Variants in ENTPD5 observed in about 807,000 individuals in gnomAD.
ENTPD5 encodes ectonucleoside triphosphate diphosphohydrolase 5 (inactive).
A neutral mutation model predicts 60.2 loss-of-function variants in ENTPD5; 49 were observed. The observed-to-expected ratio is 0.81, with a 90% CI of 0.65 to 1.03. ENTPD5 has a LOEUF of 1.03. Among genes scored for constraint, ENTPD5 ranks in the 50% least tolerant of loss-of-function variants. The pLI, the probability that ENTPD5 is intolerant of heterozygous loss-of-function variation, is 0.00. For synonymous variants in ENTPD5, 187 were observed against 185.4 expected (o/e 1.01, Z -0.07); for missense variants, 480 against 507.6 (o/e 0.95, Z 0.52).
downstream of ENTPD5, chr14:73,959,132 A>G (rs574401933): frequency 1.3e-4 from 205 of 1,614,196 alleles, 1 homozygote; most frequent in South Asian, 2.2e-3. Flanking sequence ...TAGGTACTTC[A>G]CAGAGAAACT....
At chr14:73,973,160 C>A (rs772931877) in intron 12 of ENTPD5, 136 bp from the exon 13 acceptor site, 3 of 1,024,242 alleles carry the variant, frequency 2.9e-6, no homozygotes, top group Non-Finnish European at 4.3e-6. Context: ...AGGCTTGGGA[C>A]AAGAGGCGTC....
chr14:73,991,127 T>A (rs926161838), intron 3 of ENTPD5, among the ~76,000 whole-genome samples: 3 of 152,194 alleles, frequency 2.0e-5, no homozygotes, highest in Non-Finnish European at 2.9e-5. Flanking sequence ...TTCCCCCTCT[T>A]TTTTTCTGGA....
chr14:74,015,920 A>G lies in ENTPD5; in HGVS notation c.-227T>C, dbSNP rs2059003008. 6.6e-6 allele frequency: 1 copy of G among 152,218 alleles called. No homozygotes were observed. The highest frequency in any genetic ancestry group is 2.4e-5 in the African/African-American group (1 of 41,460). The allele number at this position is 152,218 out of a possible 1,614,324, so 9.4% of individuals were successfully genotyped here. ...ACTCCACATTTCTTTGTTGACCAGG[A>G]ACAAGGAAAACTGGACAGAAAAAGA... On this transcript the variant is annotated 5_prime_UTR_variant, in exon 2 of 16. Transcript: ENST00000334696.
intron 3 of ENTPD5, among the ~76,000 whole-genome samples, chr14:73,989,832 CA>C (rs57558687): frequency 0.1 from 5,209 of 52,048 alleles, 120 homozygotes; most frequent in South Asian, 0.3. Flanking sequence ...GACTCAGTCT[CA>C]AAAAAAAAAA....
At chr14:73,968,423 CTCT>C (rs2057077314) in intron 15 of ENTPD5, among the ~76,000 whole-genome samples, 2 of 91,856 alleles carry the variant, frequency 2.2e-5, no homozygotes, top group Admixed American at 1.4e-4. Context: ...ATTACTGATA[CTCT>C]TTTTTTTTTT....
intron 3 of ENTPD5, chr14:73,996,299 CT>C: frequency 1.9e-6 from 1 of 518,464 alleles, no homozygotes; most frequent in Non-Finnish European, 2.5e-6. Flanking sequence ...CCCTTACTCT[CT>C]TTTTCTCTGA....
At chr14:73,982,350 C>G (rs2057726232) in intron 6 of ENTPD5, among the ~76,000 whole-genome samples, 1 of 152,170 alleles carries the variant, frequency 6.6e-6, no homozygotes, top group Non-Finnish European at 1.5e-5. Context: ...GCTGGGATTA[C>G]AGGTGTGAGC....
chr14:73,959,051 T>C (rs895506122), downstream of ENTPD5: 7 of 1,614,110 alleles, frequency 4.3e-6, no homozygotes, highest in African/African-American at 9.3e-5. Context: ...ACCAGTCTGC[T>C]GTTGTGGCTA....
At chr14:73,975,572 T>C (rs973139976) in intron 10 of ENTPD5, among the ~76,000 whole-genome samples, 1 of 152,074 alleles carries the variant, frequency 6.6e-6, no homozygotes, top group Non-Finnish European at 1.5e-5. Context: ...ATCCAGCTAA[T>C]TTTTGTATTT....
At chr14:73,961,386 A>T (rs761426479), downstream of ENTPD5, 2 of 1,614,126 alleles carry the variant, frequency 1.2e-6, no homozygotes, top group Admixed American at 3.3e-5. Flanking sequence ...GTAAGACGAT[A>T]ACAGAGCAGG....
intron 6 of ENTPD5, among the ~76,000 whole-genome samples, chr14:73,979,028 G>A (rs996586232): frequency 3.3e-5 from 5 of 151,916 alleles, no homozygotes; most frequent in African/African-American, 7.3e-5. Context: ...CTCTCATATC[G>A]CTCTTTCCTC....
At chr14:74,010,593 A>G (rs1052331002) in intron 3 of ENTPD5, among the ~76,000 whole-genome samples, 1 of 152,130 alleles carries the variant, frequency 6.6e-6, no homozygotes, top group South Asian at 2.1e-4. Flanking sequence ...TGTGAATTAT[A>G]TAATTTCCTA....
rs201751093 is a variant in ENTPD5 at position 73,977,387 on chromosome 14, GA to G, written c.442-14del. ...AGATCTCCTTTACCTAGAGAAAAAGGAAAAAAAAAAAAAAAGAATTCCCTAA... is the reference window on the plus strand; with the variant it reads ...AGATCTCCTTTACCTAGAGAAAAAGGAAAAAAAAAAAAAAGAATTCCCTAA... On this transcript the variant is annotated splice_polypyrimidine_tract_variant and intron_variant, in intron 6 of 15. Transcript: ENST00000334696. 0.11 allele frequency: 118,897 copies of G among 1,103,392 alleles called. 43 individuals carry two copies. Among genetic ancestry groups the G allele is most frequent in the East Asian group, 0.26 (8,698 of 33,924 alleles). 68.4% of individuals were successfully genotyped at this position (1,103,392 alleles called of 1,614,324 possible). A position where few individuals can be genotyped will look rare whatever the true frequency, so the allele number is the denominator to read the frequency against.
intron 15 of ENTPD5, among the ~76,000 whole-genome samples, chr14:73,968,583 G>A (rs990526886): frequency 6.6e-6 from 1 of 151,874 alleles, no homozygotes; most frequent in Admixed American, 6.6e-5. Context: ...CTGCCACCAC[G>A]CCCGGCTAAT....
At chr14:73,979,661 C>A (rs945394781) in intron 6 of ENTPD5, among the ~76,000 whole-genome samples, 1 of 151,846 alleles carries the variant, frequency 6.6e-6, no homozygotes, top group Non-Finnish European at 1.5e-5. Context: ...TTAGTAGAGA[C>A]GGGGTTTCAC....
intron 3 of ENTPD5, among the ~76,000 whole-genome samples, chr14:73,999,613 G>C (rs1181384164): frequency 1.4e-5 from 2 of 146,756 alleles, no homozygotes; most frequent in African/African-American, 2.5e-5. Flanking sequence ...GACCAACATG[G>C]TAAAACCGTC....
intron 13 of ENTPD5, 32 bp downstream of exon 13, chr14:73,972,852 C>T: frequency 6.2e-7 from 1 of 1,611,312 alleles, no homozygotes; most frequent in Non-Finnish European, 8.5e-7. Flanking sequence ...TATCCACCTT[C>T]CTCTCTGGAC....
chr14:73,988,159 C>T lies in ENTPD5; in HGVS notation c.-57G>A. 2 of 1,551,912 alleles carry T rather than the reference C, an allele frequency of 1.3e-6. No individual in the cohort carries two copies. The highest frequency in any genetic ancestry group is 1.2e-5 in the South Asian group (1 of 83,776). ...TTTGTTGCAGAAGCAATCCTGCTCG[C>T]ACACCTGCAGAGGCTTATAGGACAA... On this transcript the variant is annotated 5_prime_UTR_variant, in exon 4 of 16. Coordinates refer to ENST00000334696, the MANE Select transcript of ENTPD5 (RefSeq NM_001249.5).
chr14:73,955,502 G>A (rs758688017), downstream of ENTPD5: 45 of 1,613,798 alleles, frequency 2.8e-5, no homozygotes, highest in East Asian at 8.2e-4. Flanking sequence ...GCCTTTCGGC[G>A]AATGCAGGTG....
Sources: gnomAD v4.1 joint callset for allele counts (sites outside exome capture counted in the v4.1 genomes callset) on GRCh38, gnomAD v4.1.1 for gene constraint, MANE v1.5 for transcripts, NCBI Gene and HGNC (gene_info 2026-07-23, HGNC 2026-07-21) for gene names.